TLE2: variants seen among roughly 807,000 people sequenced by gnomAD.
The protein encoded by TLE2 is transducin-like enhancer protein 2.
A neutral mutation model predicts 97.2 loss-of-function variants in TLE2; 74 were observed. The ratio of observed to expected loss-of-function variants is 0.76; its 90% confidence interval spans 0.63 to 0.92. TLE2 has a LOEUF of 0.92. Among genes scored for constraint, TLE2 ranks in the 40% least tolerant of loss-of-function variants. TLE2 has a pLI of 0.00. For missense variants in TLE2, 1,038 were observed against 1,008.7 expected (o/e 1.03, Z -0.39); for synonymous variants, 499 against 432.1 (o/e 1.15, Z -1.92).
intron 17 of TLE2, among the ~76,000 whole-genome samples, chr19:3,002,807 T>C (rs1297247729): frequency 6.6e-6 from 1 of 152,094 alleles, no homozygotes; most frequent in Non-Finnish European, 1.5e-5. Context: ...CAAGGGATTC[T>C]CCTGCCTCAG....
upstream of TLE2, among the ~76,000 whole-genome samples, chr19:3,031,615 C>T: frequency 6.6e-6 from 1 of 152,024 alleles, no homozygotes; most frequent in East Asian, 1.9e-4. Flanking sequence ...CAGGCATGAG[C>T]CACTGCACCC....
chr19:3,039,384 C>T (rs1228418773), intron 1 of TLE2, among the ~76,000 whole-genome samples: 4 of 152,130 alleles, frequency 2.6e-5, no homozygotes, highest in African/African-American at 7.2e-5. Context: ...TCCCACTTCT[C>T]CCCCTCTGTT....
chr19:3,038,058 G>T (rs1446891537), intron 1 of TLE2, among the ~76,000 whole-genome samples: 1 of 151,982 alleles, frequency 6.6e-6, no homozygotes, highest in Non-Finnish European at 1.5e-5. Flanking sequence ...GAAGGCGGAG[G>T]TTGCAGTGAG....
chr19:3,000,575 ATCTC>A (rs1204974443), intron 19 of TLE2, 68 bp downstream of exon 19: 13 of 1,403,374 alleles, frequency 9.3e-6, no homozygotes, highest in African/African-American at 1.4e-5. Flanking sequence ...GACAGGGGCA[ATCTC>A]TCTGTCTGAC....
At chr19:3,031,855 C>T (rs186830740), upstream of TLE2, among the ~76,000 whole-genome samples, 58 of 151,174 alleles carry the variant, frequency 3.8e-4, 1 homozygote, top group East Asian at 3.5e-3. Context: ...CTGCCCACCC[C>T]GTTATTTTCA....
intron 3 of TLE2, 44 bp from the exon 4 acceptor site, chr19:3,027,917 G>C (rs2089972967): frequency 6.3e-7 from 1 of 1,580,898 alleles, no homozygotes; most frequent in Admixed American, 1.8e-5. Flanking sequence ...GTGGAGATGG[G>C]TGCCCTCCTC....
intron 1 of TLE2, among the ~76,000 whole-genome samples, chr19:3,041,562 C>T (rs2090103549): frequency 6.6e-6 from 1 of 152,204 alleles, no homozygotes; most frequent in Non-Finnish European, 1.5e-5. Flanking sequence ...CCCTCCTCTC[C>T]TGGGCCAAGC....
chr19:3,017,617 A>G (rs1233417265), intron 8 of TLE2, among the ~76,000 whole-genome samples: 3 of 151,198 alleles, frequency 2.0e-5, no homozygotes, highest in Non-Finnish European at 4.4e-5. Flanking sequence ...CACCCAGCCA[A>G]CTTTTTGTAT....
chr19:3,037,014 GTGGCTCACGCCCGTAATCC>G (rs2090068031), intron 1 of TLE2, among the ~76,000 whole-genome samples: 1 of 152,214 alleles, frequency 6.6e-6, no homozygotes. Flanking sequence ...GCAGGGCGTG[GTGGCTCACGCCCGTAATCC>G]CAGCACTTCA....
At chr19:3,046,731 G>A (rs11672436), upstream of TLE2, among the ~76,000 whole-genome samples, 41,534 of 151,886 alleles carry the variant, frequency 0.27, 6,058 homozygotes, top group Non-Finnish European at 0.33. Flanking sequence ...TGGGGGAGGG[G>A]GGCTGGGAGA....
intron 11 of TLE2, 100 bp downstream of exon 11, chr19:3,013,569 G>T: frequency 1.7e-6 from 2 of 1,154,462 alleles, no homozygotes; most frequent in Non-Finnish European, 2.2e-6. Context: ...AGCCCGGCTG[G>T]CTGATTTCTC....
intron 4 of TLE2, among the ~76,000 whole-genome samples, chr19:3,026,253 C>T (rs928332538): frequency 6.6e-6 from 1 of 151,924 alleles, no homozygotes. Flanking sequence ...TCAAGACCAG[C>T]CTGGCCAACA....
In TLE2 at chr19:3,019,621, T is replaced by A; in HGVS notation, c.369+78A>T. On this transcript the variant is annotated intron_variant, in intron 6 of 19. Transcript: ENST00000262953. This position sits in a 1 kb window ranked among gnomAD's most constrained non-coding sequence, Gnocchi z 5.1. ...CCAAGGCCCACACACCACCCCAGCT[T>A]TAACACCTCCTGGGTGGGTGCCAGG... The A allele has an allele frequency of 1.3e-6, 2 of 1,551,850 alleles. No individual in the cohort carries two copies. The highest frequency in any genetic ancestry group is 1.7e-6 in the Non-Finnish European group (2 of 1,146,536).
intron 10 of TLE2, among the ~76,000 whole-genome samples, 170 bp from the exon 11 acceptor site, chr19:3,013,988 A>ATT (rs35309457): frequency 6.2e-5 from 9 of 145,840 alleles, no homozygotes; most frequent in African/African-American, 1.8e-4. Context: ...TGTAAAATGT[A>ATT]TTTTTTTTTT....
chr19:3,015,055 T>TG (rs1385280610), intron 9 of TLE2, among the ~76,000 whole-genome samples: 1 of 51,352 alleles, frequency 1.9e-5, no homozygotes, highest in African/African-American at 6.8e-5. Flanking sequence ...TAAAATTCAT[T>TG]GCCAAAAAAA....
chr19:3,015,717 C>T lies in TLE2; in HGVS notation c.614G>A (p.Arg205Gln), dbSNP rs370914997. Residue 205 changes from arginine (R) to glutamine (Q), a missense_variant, in exon 9 of 20, where the codon CGA becomes CAA. Physicochemically the swap from Arg to Gln is conservative, Grantham distance 43 (BLOSUM62 1). Transcript: ENST00000262953. ...SPPESLVEEE[R>Q]PSGPGGGGKQ... The stretch of plus-strand genomic sequence containing the variant: ...CCCGCCACCACCAGGGCCACTCGGT[C>T]GCTCCTCCTCCACGAGACTCTCAGG... 6.2e-5 allele frequency: 100 copies of T among 1,611,320 alleles called. No individual in the cohort carries two copies. The highest frequency in any genetic ancestry group is 7.4e-5 in the Non-Finnish European group (87 of 1,179,340).
chr19:3,000,311 G>A (rs1026964687), intron 19 of TLE2, among the ~76,000 whole-genome samples: 2 of 151,790 alleles, frequency 1.3e-5, no homozygotes, highest in African/African-American at 4.8e-5. Flanking sequence ...TCCTGACCTC[G>A]TGATCCGCCT....
chr19:3,000,545 GGGGGGACCT>G, intron 19 of TLE2, 93 bp downstream of exon 19: 1 of 1,043,696 alleles, frequency 9.6e-7, no homozygotes, highest in Admixed American at 2.1e-5. Context: ...TTAGGGTGGC[GGGGGGACCT>G]GGGGGACAGG....
chr19:3,028,353 C>T lies in TLE2; in HGVS notation c.152G>A (p.Ser51Asn), dbSNP rs1382947147. ...ATGTCGCTGCATTTCCGTCTTCTCG[C>T]TGGCCAGCTTCTCACATTCTAGCTT... is the stretch of plus-strand genomic sequence containing the variant. ...SLKLECEKLA[S>N]EKTEMQRHYV... The change falls in exon 3 of 20, where the codon AGC becomes AAC. Residue 51 changes from serine (S) to asparagine (N), a missense_variant. Ser to Asn is a conservative substitution (Grantham distance 46). Coordinates refer to ENST00000262953, the MANE Select transcript of TLE2 (RefSeq NM_003260.5). 1.2e-6 allele frequency: 2 copies of T among 1,609,340 alleles called. No individual in the cohort carries two copies. The highest frequency in any genetic ancestry group is 1.3e-5 in the African/African-American group (1 of 74,838).
Sources: gnomAD v4.1 joint callset for allele counts (sites outside exome capture counted in the v4.1 genomes callset) on GRCh38, gnomAD v4.1.1 for gene constraint, Gnocchi (gnomAD v3.1) non-coding constraint, MANE v1.5 for transcripts, NCBI Gene and HGNC (gene_info 2026-07-23, HGNC 2026-07-21) for gene names.